PRIM2: variants seen among roughly 807,000 people sequenced by gnomAD.
The protein encoded by PRIM2 is DNA primase subunit 2.
In PRIM2, 39 loss-of-function variants were observed where a neutral mutation model predicts 67.3. The ratio of observed to expected loss-of-function variants is 0.58; its 90% CI spans 0.45 to 0.76. PRIM2 has a LOEUF of 0.76. Ranked by LOEUF, PRIM2 falls within the 30% of genes least tolerant of loss-of-function variation. PRIM2 has a pLI of 0.00. For synonymous variants in PRIM2, 143 were observed against 198.7 expected (o/e 0.72, Z 2.36); for missense variants, 398 against 598.7 (o/e 0.66, Z 3.50).
chr6:57,249,097 C>T, the PRIM2 span, among the ~76,000 whole-genome samples: 1 of 152,098 alleles, frequency 6.6e-6, no homozygotes, highest in South Asian at 2.1e-4. Context: ...ATTATGAAAA[C>T]ATGCAAATTT....
chr6:57,224,378 A>G, the PRIM2 span, among the ~76,000 whole-genome samples: 1 of 152,198 alleles, frequency 6.6e-6, no homozygotes, highest in African/African-American at 2.4e-5. Context: ...TATAAGGTAC[A>G]TAGAGTAGTC....
At chr6:57,628,980 G>C (rs1777001056) in intron 12 of PRIM2, among the ~76,000 whole-genome samples, 1 of 152,086 alleles carries the variant, frequency 6.6e-6, no homozygotes, top group Non-Finnish European at 1.5e-5. Context: ...CTGAATTTTA[G>C]TGTCTTGGTC....
intron 7 of PRIM2, among the ~76,000 whole-genome samples, chr6:57,392,879 T>TAGTGTTGCTGGATCAAGTGGCA: frequency 6.6e-6 from 1 of 151,822 alleles, no homozygotes; most frequent in Admixed American, 6.6e-5. Flanking sequence ...CACATATCAG[T>TAGTGTTGCTGGATCAAGTGGCA]GAGAACTTAC....
At chr6:57,336,764 C>T (rs7754911) in intron 5 of PRIM2, among the ~76,000 whole-genome samples, 19,536 of 152,036 alleles carry the variant, frequency 0.13, 1,405 homozygotes, top group African/African-American at 0.18. Context: ...CATGCCAAAA[C>T]GTAAAGACCA....
chr6:57,321,224 T>C (rs934675211), intron 3 of PRIM2, among the ~76,000 whole-genome samples: 1 of 152,172 alleles, frequency 6.6e-6, no homozygotes, highest in Non-Finnish European at 1.5e-5. Flanking sequence ...AGAAGAGTTA[T>C]AAATGACACC....
chr6:57,527,963 G>A (rs1562784171), intron 8 of PRIM2, among the ~76,000 whole-genome samples: 1 of 151,998 alleles, frequency 6.6e-6, no homozygotes, highest in Admixed American at 6.5e-5. Context: ...TTTTTATAGA[G>A]TTTTTATTTT....
At chr6:57,326,073 AT>A in intron 5 of PRIM2, 28 bp downstream of exon 5, 1 of 1,606,324 alleles carries the variant, frequency 6.2e-7, no homozygotes, top group Non-Finnish European at 8.5e-7. Flanking sequence ...GTTATTTCTA[AT>A]TGTTCTCACC....
At chr6:57,589,908 GGATCCCCACTGGAAACAAA>G (rs1210293689) in intron 10 of PRIM2, among the ~76,000 whole-genome samples, 2 of 152,088 alleles carry the variant, frequency 1.3e-5, no homozygotes, top group African/African-American at 2.4e-5. Context: ...ATTGGGGAGT[GGATCCCCACTGGAAACAAA>G]GAGCCAGGAG....
chr6:57,237,828 A>G, the PRIM2 span, among the ~76,000 whole-genome samples: 1 of 152,150 alleles, frequency 6.6e-6, no homozygotes, highest in East Asian at 1.9e-4. Flanking sequence ...GCCTTGTGGT[A>G]TAGTTTGAAA....
At position 57,433,560 on chromosome 6, in the gene PRIM2, T is replaced by G. The variant is rs75154366; in HGVS notation, c.693+51392T>G. On this transcript the variant is annotated intron_variant, in intron 7 of 13. Transcript: ENST00000615550. ...TCGGAATCCTTAGGGGAGCAATTTG[T>G]TCCCTTGAGTATGAAGCAGAAGTTA... Among the ~76,000 whole-genome samples, 597 of 152,266 alleles carry G rather than the reference T, an allele frequency of 3.9e-3. 8 individuals carry two copies. Among genetic ancestry groups the G allele is most frequent in the East Asian group, 0.032 (168 of 5,174 alleles).
chr6:57,600,180 C>T (rs1776434833), intron 10 of PRIM2, among the ~76,000 whole-genome samples: 2 of 152,066 alleles, frequency 1.3e-5, no homozygotes, highest in African/African-American at 4.8e-5. Context: ...ATGCTGGTTC[C>T]TTTTGTTCTC....
At chr6:57,582,277 TC>T (rs1776101774) in intron 10 of PRIM2, among the ~76,000 whole-genome samples, 1 of 152,118 alleles carries the variant, frequency 6.6e-6, no homozygotes, top group African/African-American at 2.4e-5. Context: ...AAACTAAATT[TC>T]CTAAGGCTAC....
rs1319926816 is a variant in PRIM2, at chr6:57,462,733, G to A, written c.694-44654G>A. On this transcript the variant is annotated intron_variant, in intron 7 of 13. Transcript: ENST00000615550. The stretch of plus-strand genomic sequence containing the variant: ...TCTTTTTGTGATATGGCTAATGTGC[G>A]AGAGTCACCCAGTTGCTGTAGAAGT... Among the ~76,000 whole-genome samples, 27 of 152,266 alleles carry A rather than the reference G, an allele frequency of 1.8e-4. No individual in the cohort carries two copies. The South Asian group carries it at 5.4e-3, about 30-fold the overall frequency.
At chr6:57,631,997 T>G (rs1777043435) in intron 12 of PRIM2, 136 bp from the exon 13 acceptor site, 1 of 508,266 alleles carries the variant, frequency 2.0e-6, no homozygotes, top group Admixed American at 3.7e-5. Flanking sequence ...GCTGCAGAAG[T>G]ACAACATGCT....
chr6:57,340,030 CAAA>C (rs1363183113), intron 5 of PRIM2, among the ~76,000 whole-genome samples: 1 of 151,872 alleles, frequency 6.6e-6, no homozygotes, highest in Non-Finnish European at 1.5e-5. Flanking sequence ...ACAACCCCAT[CAAA>C]AAGTGGGCAA....
chr6:57,520,084 G>A (rs1249146085), intron 8 of PRIM2, among the ~76,000 whole-genome samples: 25 of 152,170 alleles, frequency 1.6e-4, no homozygotes, highest in Non-Finnish European at 2.6e-4. Context: ...ATGTGAGACT[G>A]AAGTGGCGTA....
chr6:57,413,568 A>ATGC (rs1477277183), intron 7 of PRIM2, among the ~76,000 whole-genome samples: 3 of 152,128 alleles, frequency 2.0e-5, no homozygotes, highest in Non-Finnish European at 4.4e-5. Context: ...ATCAGCATGG[A>ATGC]TGCTGTGCTT....
At chr6:57,517,333 GAGAA>G (rs1424834936) in intron 8 of PRIM2, among the ~76,000 whole-genome samples, 1 of 152,068 alleles carries the variant, frequency 6.6e-6, no homozygotes, top group Non-Finnish European at 1.5e-5. Context: ...TAAAAGGCCT[GAGAA>G]AGCATTGTGG....
the PRIM2 span, among the ~76,000 whole-genome samples, chr6:57,222,601 A>G: frequency 1.1e-4 from 17 of 152,238 alleles, no homozygotes; most frequent in Non-Finnish European, 1.9e-4. Flanking sequence ...ATGACATCTT[A>G]AGTGGCCAAG....
Sources: gnomAD v4.1 joint callset for allele counts (sites outside exome capture counted in the v4.1 genomes callset) on GRCh38, gnomAD v4.1.1 for gene constraint, MANE v1.5 for transcripts, NCBI Gene and HGNC (gene_info 2026-07-23, HGNC 2026-07-21) for gene names.